The following H6PD variants were observed in gnomAD, a reference collection of about 807,000 sequenced individuals.
The protein encoded by H6PD is GDH/6PGL endoplasmic bifunctional protein.
In H6PD, 48 loss-of-function variants were observed where a neutral mutation model predicts 61.2. The ratio of observed to expected loss-of-function variants is 0.78; its 90% confidence interval spans 0.62 to 1.00. H6PD has a LOEUF of 1.00. Among genes scored for constraint, H6PD ranks in the 50% least tolerant of loss-of-function variants. H6PD has a pLI of 0.00. For synonymous variants in H6PD, 480 were observed against 457.9 expected (o/e 1.05, Z -0.62); for missense variants, 1,093 against 1,065.0 (o/e 1.03, Z -0.37).
At chr1:9,258,175 G>A (rs930230431) in intron 3 of H6PD, among the ~76,000 whole-genome samples, 19 of 152,232 alleles carry the variant, frequency 1.2e-4, no homozygotes, top group African/African-American at 3.9e-4. Context: ...GTGTTGTTAC[G>A]TTGCTATTGT....
At position 9,264,146 on chromosome 1, in the gene H6PD, A is replaced by G. The variant is rs776135527; in HGVS notation, c.1653A>G (p.Arg551=). ...SDFQVLRAKY[R]ESPLVSAWSE... ...TCCAGGTCCTCAGGGCCAAGTACCG[A>G]GAGAGCCCGCTGGTCTCCGCCTGGT... Residue 551 remains arginine, a synonymous_variant, in exon 5 of 5, where the codon CGA becomes CGG. Transcript: ENST00000377403. 5.0e-6 allele frequency: 8 copies of G among 1,613,468 alleles called. No homozygotes were observed. The Middle Eastern group carries it at 5.0e-4, about 100-fold the overall frequency.
chr1:9,238,917 C>G (rs952899426), intron 1 of H6PD, among the ~76,000 whole-genome samples: 4 of 152,062 alleles, frequency 2.6e-5, no homozygotes, highest in African/African-American at 7.3e-5. Flanking sequence ...TTCAAATACA[C>G]TATAATAGAA....
intron 3 of H6PD, among the ~76,000 whole-genome samples, chr1:9,261,759 T>C (rs963538783): frequency 2.6e-5 from 4 of 152,250 alleles, no homozygotes; most frequent in African/African-American, 7.2e-5. Flanking sequence ...GGCCAGTATC[T>C]ACAGAGGCAA....
intron 3 of H6PD, among the ~76,000 whole-genome samples, chr1:9,259,541 T>TA (rs1382376916): frequency 1.3e-5 from 2 of 152,208 alleles, no homozygotes; most frequent in Non-Finnish European, 2.9e-5. Context: ...ATGTGGTTGT[T>TA]ACACTAGTAT....
rs79769497 is a variant in H6PD, at chr1:9,265,286, G to C, written c.*417G>C. The C allele has an allele frequency of 1.4e-5, 5 of 352,102 alleles. No individual in the cohort carries two copies. In the Admixed American group the frequency reaches 2.0e-4, roughly 14 times the overall value. The allele number at this position is 352,102 out of a possible 1,614,324, so 21.8% of individuals were successfully genotyped here. On this transcript the variant is annotated 3_prime_UTR_variant, in exon 5 of 5. Transcript: ENST00000377403. Reference sequence around the variant, plus strand: ...GGAGGTGATCCTTGAACTGGCTCCCGGGGAACATTCAGAGCATGATTGGTA... The same window carrying C: ...GGAGGTGATCCTTGAACTGGCTCCCCGGGAACATTCAGAGCATGATTGGTA...
intron 3 of H6PD, 124 bp downstream of exon 3, chr1:9,247,207 G>GT: frequency 1.3e-6 from 1 of 757,692 alleles, no homozygotes; most frequent in Non-Finnish European, 2.4e-6. Flanking sequence ...CGAGCCTGCC[G>GT]TGTGCCTAGC....
chr1:9,238,765 TA>T (rs1640916757), intron 1 of H6PD, among the ~76,000 whole-genome samples: 1 of 152,128 alleles, frequency 6.6e-6, no homozygotes, highest in African/African-American at 2.4e-5. Context: ...GTTCGGGCTG[TA>T]AATAAAGACT....
chr1:9,259,114 C>T (rs1641627110), intron 3 of H6PD, among the ~76,000 whole-genome samples: 1 of 152,228 alleles, frequency 6.6e-6, no homozygotes, highest in Non-Finnish European at 1.5e-5. Context: ...GCCTCAGCCT[C>T]CCAAGTAGCT....
At chr1:9,246,882 A>G in intron 2 of H6PD, 84 bp from the exon 3 acceptor site, 1 of 913,822 alleles carries the variant, frequency 1.1e-6, no homozygotes. Flanking sequence ...GGGAATAGAA[A>G]GGTCAGAGCC....
chr1:9,258,451 C>G (rs1641595613), intron 3 of H6PD, among the ~76,000 whole-genome samples: 1 of 151,802 alleles, frequency 6.6e-6, no homozygotes, highest in African/African-American at 2.4e-5. Context: ...GTTGTTACAC[C>G]AGTGTTATGT....
chr1:9,264,088 C>T lies in H6PD; in HGVS notation c.1595C>T (p.Pro532Leu). 6.2e-7 allele frequency: 1 copy of T among 1,613,976 alleles called. No individual in the cohort carries two copies. The highest frequency in any genetic ancestry group is 8.5e-7 in the Non-Finnish European group (1 of 1,179,968). The change falls in exon 5 of 5, where the codon CCA becomes CTA. Residue 532 changes from proline (P) to leucine (L), a missense_variant. Pro to Leu is a moderately conservative substitution (Grantham distance 98). Coordinates refer to ENST00000377403, the MANE Select transcript of H6PD (RefSeq NM_004285.4). ...FSQQQPEQLVPGPGPAPMPSD... is the reference protein window; with the variant it reads ...FSQQQPEQLVLGPGPAPMPSD... ...CAGCAGCAGCCGGAGCAGCTGGTGC[C>T]AGGGCCAGGGCCGGCCCCAATGCCC... is the stretch of plus-strand genomic sequence containing the variant.
At position 9,263,861 on chromosome 1, in the gene H6PD, C is replaced by T. The variant is rs370333038; in HGVS notation, c.1368C>T (p.Asp456=). Residue 456 remains aspartate (D), a synonymous_variant, in exon 5 of 5, where the codon GAC becomes GAT. Transcript: ENST00000377403. Reference sequence around the variant, plus strand: ...CCTACAGCCCTGTGCGGGAGCGGGACGCCCACTCCGTCCTCTTATCCCATA... The same window carrying T: ...CCTACAGCCCTGTGCGGGAGCGGGATGCCCACTCCGTCCTCTTATCCCATA... The part of the protein sequence containing the change: ...YYAYSPVRER[D]AHSVLLSHIF... 70 of 1,613,964 alleles carry T rather than the reference C, an allele frequency of 4.3e-5. No individual in the cohort carries two copies. The African/African-American group carries it at 6.1e-4, about 14-fold the overall frequency.
In H6PD at chr1:9,265,644, C is replaced by CT. The variant is rs36058755; in HGVS notation, c.*781dup. ...AGACTGTGGAAAGGGTTCCAGAAATCTTTTTTCTTTTTTAATTAAAAAAAA... is the reference window on the plus strand; with the variant it reads ...AGACTGTGGAAAGGGTTCCAGAAATCTTTTTTTCTTTTTTAATTAAAAAAAA... On this transcript the variant is annotated 3_prime_UTR_variant, in exon 5 of 5. Coordinates refer to ENST00000377403, the MANE Select transcript of H6PD (RefSeq NM_004285.4). The CT allele has an allele frequency of 0.68, 103,046 of 151,872 alleles. 35,885 individuals are homozygous for CT. Among genetic ancestry groups the CT allele is most frequent in the African/African-American group, 0.83 (34,151 of 41,378 alleles). 9.4% of individuals were successfully genotyped at this position (151,872 alleles called of 1,614,324 possible).
intron 3 of H6PD, among the ~76,000 whole-genome samples, chr1:9,248,132 C>T (rs1340648725): frequency 6.6e-6 from 1 of 152,246 alleles, no homozygotes; most frequent in Non-Finnish European, 1.5e-5. Context: ...AGCTCATCCC[C>T]GCGGCCGCTT....
At chr1:9,256,892 C>T (rs1641537612) in intron 3 of H6PD, among the ~76,000 whole-genome samples, 1 of 152,092 alleles carries the variant, frequency 6.6e-6, no homozygotes, top group Admixed American at 6.6e-5. Flanking sequence ...TCCATGCACG[C>T]CTGGTTCCCT....
chr1:9,264,597 C>T lies in H6PD; in HGVS notation c.2104C>T (p.Leu702Phe), dbSNP rs777812606. 2.5e-6 allele frequency: 4 copies of T among 1,613,296 alleles called. No individual in the cohort carries two copies. The highest frequency in any genetic ancestry group is 1.1e-5 in the South Asian group (1 of 91,074). Residue 702 changes from leucine to phenylalanine, a missense_variant, in exon 5 of 5, where the codon CTC (leucine) becomes TTC (phenylalanine). By Grantham distance (22) the Leu-to-Phe change is conservative. Coordinates refer to ENST00000377403, the MANE Select transcript of H6PD (RefSeq NM_004285.4). The part of the protein sequence containing the change: ...GMGADGHTAS[L>F]FPQSPTGLDG... ...GGGTGCCGACGGGCACACAGCCTCC[C>T]TCTTCCCACAGTCACCCACTGGCCT...
intron 3 of H6PD, among the ~76,000 whole-genome samples, chr1:9,251,457 T>C (rs968109120): frequency 6.6e-5 from 10 of 151,808 alleles, no homozygotes; most frequent in East Asian, 1.9e-4. Flanking sequence ...GTTGTTGTTG[T>C]TGTTGTTGTT....
chr1:9,267,348 C>G lies in H6PD; in HGVS notation c.*2479C>G, dbSNP rs984548619. On this transcript the variant is annotated 3_prime_UTR_variant, in exon 5 of 5. Coordinates refer to ENST00000377403, the MANE Select transcript of H6PD (RefSeq NM_004285.4). ...GCCCCTATCCCCGCAGCCCCTGTGC[C>G]GGATTTCATTTCCCTCCTCTCTCCC... 3 of 152,344 alleles carry G rather than the reference C, an allele frequency of 2.0e-5. No individual in the cohort carries two copies. Among genetic ancestry groups the G allele is most frequent in the African/African-American group, 4.8e-5 (2 of 41,426 alleles). The allele number at this position is 152,344 out of a possible 1,614,324, so 9.4% of individuals were successfully genotyped here.
chr1:9,257,499 T>A (rs183793900), intron 3 of H6PD, among the ~76,000 whole-genome samples: 1 of 152,192 alleles, frequency 6.6e-6, no homozygotes, highest in African/African-American at 2.4e-5. Context: ...TCTCACCACA[T>A]TACGTCTTGG....
Sources: gnomAD v4.1 joint callset for allele counts (sites outside exome capture counted in the v4.1 genomes callset) on GRCh38, gnomAD v4.1.1 for gene constraint, MANE v1.5 for transcripts, NCBI Gene and HGNC (gene_info 2026-07-23, HGNC 2026-07-21) for gene names.